SECISBP2L: variants seen among roughly 807,000 people sequenced by gnomAD.
The protein encoded by SECISBP2L is selenocysteine insertion sequence-binding protein 2-like.
SECISBP2L carries 43 observed loss-of-function variants against 114.7 expected under a neutral mutation model. The observed-to-expected ratio is 0.38, with a 90% CI of 0.29 to 0.48. The LOEUF (loss-of-function observed/expected upper bound fraction) is 0.48. SECISBP2L is among the 20% of genes least tolerant of loss of function. SECISBP2L has a pLI of 0.98. For missense variants in SECISBP2L, 1,136 were observed against 1,301.1 expected (o/e 0.87, Z 1.95); for synonymous variants, 451 against 439.7 (o/e 1.03, Z -0.32).
chr15:49,038,179 A>G (rs187888076), intron 1 of SECISBP2L, among the ~76,000 whole-genome samples: 2 of 152,314 alleles, frequency 1.3e-5, no homozygotes, highest in East Asian at 3.9e-4. Context: ...TATTTGTTTG[A>G]ATAGTCTTAA....
intron 14 of SECISBP2L, among the ~76,000 whole-genome samples, chr15:49,006,836 G>C (rs1195551726): frequency 6.6e-6 from 1 of 152,080 alleles, no homozygotes; most frequent in East Asian, 1.9e-4. Context: ...TTGTTCCCTT[G>C]CTGGCGAGGA....
At chr15:49,021,735 A>C (rs1332055550) in intron 7 of SECISBP2L, among the ~76,000 whole-genome samples, 2 of 152,200 alleles carry the variant, frequency 1.3e-5, no homozygotes, top group Admixed American at 1.3e-4. Context: ...TGATTCTTAC[A>C]CTTCGAGACA....
Position 49,046,404 on chromosome 15 carries a change from G to A in SECISBP2L, c.-105C>T, listed in dbSNP as rs1333495594. The A allele has an allele frequency of 2.5e-5, 31 of 1,241,208 alleles. No homozygotes were observed. The highest frequency in any genetic ancestry group is 1.8e-5 in the South Asian group (1 of 54,514). 76.9% of individuals were successfully genotyped at this position (1,241,208 alleles called of 1,614,324 possible). A position where few individuals can be genotyped will look rare whatever the true frequency, so the allele number is the denominator to read the frequency against. On this transcript the variant is annotated 5_prime_UTR_variant, in exon 1 of 18. Coordinates refer to ENST00000559471, the MANE Select transcript of SECISBP2L (RefSeq NM_001193489.2). ...GGTCCAGACTGGGTTCCGGACCTCC[G>A]CCCCTATCTGGCTGGCCGCGACACC...
chr15:49,008,101 C>T (rs1308784375), intron 14 of SECISBP2L, among the ~76,000 whole-genome samples: 1 of 152,152 alleles, frequency 6.6e-6, no homozygotes, highest in African/African-American at 2.4e-5. Flanking sequence ...TTCTAGTAAT[C>T]ACCCCTCATG....
At chr15:49,032,892 G>C in intron 4 of SECISBP2L, 73 bp downstream of exon 4, 1 of 1,557,554 alleles carries the variant, frequency 6.4e-7, no homozygotes, top group Non-Finnish European at 8.7e-7. Context: ...AAGTGGTTCA[G>C]ACCACAATTA....
In SECISBP2L at chr15:48,992,505, A is replaced by C. The variant is rs1251404494; in HGVS notation, c.3045T>G (p.Ser1015Arg). Residue 1015 changes from serine to arginine, a missense_variant, in exon 18 of 18, where the codon AGT (serine) becomes AGG (arginine). Physicochemically the swap from Ser to Arg is moderately radical, Grantham distance 110 (BLOSUM62 -1). Around this residue, in one of 2 missense-constraint regions of SECISBP2L, gnomAD observed 684 missense variants for 848.7 expected, o/e 0.81. Coordinates refer to ENST00000559471, the MANE Select transcript of SECISBP2L (RefSeq NM_001193489.2). ...EPISVEVQLNSRIESWVSETQ... is the reference protein window; with the variant it reads ...EPISVEVQLNRRIESWVSETQ... Reference sequence around the variant, plus strand: ...TCTCTGAGACCCAAGACTCAATTCTACTATTGAGCTGCACTTCTACAGATA... The same window carrying C: ...TCTCTGAGACCCAAGACTCAATTCTCCTATTGAGCTGCACTTCTACAGATA... 8 of 1,614,022 alleles carry C rather than the reference A, an allele frequency of 5.0e-6. No individual in the cohort carries two copies. The highest frequency in any genetic ancestry group is 2.7e-5 in the African/African-American group (2 of 74,908).
chr15:49,017,698 G>T (rs1347887344), intron 8 of SECISBP2L, 70 bp from the exon 9 acceptor site: 10 of 1,051,664 alleles, frequency 9.5e-6, no homozygotes, highest in African/African-American at 1.6e-5. Flanking sequence ...ATGCTTAGAA[G>T]TATTGAAAAA....
chr15:49,018,032 A>C (rs1440678692), intron 8 of SECISBP2L, among the ~76,000 whole-genome samples: 2 of 152,204 alleles, frequency 1.3e-5, no homozygotes. Flanking sequence ...ATTGTCAATA[A>C]GGTTAAAAAC....
intron 1 of SECISBP2L, chr15:49,042,286 GAGTA>G (rs1903155281): frequency 6.6e-6 from 1 of 152,264 alleles, no homozygotes; most frequent in Admixed American, 6.5e-5. Flanking sequence ...ATTTGCCTCA[GAGTA>G]TAGCTTCAGC....
Position 48,990,770 on chromosome 15 carries a change from T to C in SECISBP2L, c.*1474A>G, listed in dbSNP as rs1449634885. ...ATAATCAGGGCAGGGATAATACCCC[T>C]TCCTTCTCAGTTTTGTGCCTGCTTA... On this transcript the variant is annotated 3_prime_UTR_variant, in exon 18 of 18. Transcript: ENST00000559471. 6.6e-6 allele frequency: 1 copy of C among 151,152 alleles called. No individual in the cohort carries two copies. Among genetic ancestry groups the C allele is most frequent in the Non-Finnish European group, 1.5e-5 (1 of 67,816 alleles). The allele number at this position is 151,152 out of a possible 1,614,324, so 9.4% of individuals were successfully genotyped here.
At position 48,991,338 on chromosome 15, in the gene SECISBP2L, A is replaced by C. The variant is rs1901974291; in HGVS notation, c.*906T>G. On this transcript the variant is annotated 3_prime_UTR_variant, in exon 18 of 18. Coordinates refer to ENST00000559471, the MANE Select transcript of SECISBP2L (RefSeq NM_001193489.2). ...AGTTTGGATACTCAATCAAATCCAT[A>C]TCTCAAATCAAGAGTCCTGAACCAG... 2 of 152,566 alleles carry C rather than the reference A, an allele frequency of 1.3e-5. No individual in the cohort carries two copies. The highest frequency in any genetic ancestry group is 4.8e-5 in the African/African-American group (2 of 41,446). The allele number at this position is 152,566 out of a possible 1,614,324, so 9.5% of individuals were successfully genotyped here.
chr15:49,012,919 A>G, intron 11 of SECISBP2L, 102 bp from the exon 12 acceptor site: 1 of 1,145,490 alleles, frequency 8.7e-7, no homozygotes, highest in East Asian at 2.4e-5. Context: ...CTCCCATGGA[A>G]AAAACGACAT....
Position 49,043,482 on chromosome 15 carries a change from T to C in SECISBP2L, c.24+2794A>G, listed in dbSNP as rs147632082. 3.1e-4 allele frequency among the ~76,000 whole-genome samples: 47 copies of C among 152,244 alleles called. 1 individual carries two copies. In the East Asian group the frequency reaches 8.9e-3, roughly 29 times the overall value. On this transcript the variant is annotated intron_variant, in intron 1 of 17. Coordinates refer to ENST00000559471, the MANE Select transcript of SECISBP2L (RefSeq NM_001193489.2). ...CAGAAAAGAGACTGTTAACCTCAAGTGTTCTGTCACTTCTAAGCCCATTGT... is the reference window on the plus strand; with the variant it reads ...CAGAAAAGAGACTGTTAACCTCAAGCGTTCTGTCACTTCTAAGCCCATTGT...
At chr15:49,022,294 T>C (rs983133048) in intron 7 of SECISBP2L, among the ~76,000 whole-genome samples, 7 of 152,022 alleles carry the variant, frequency 4.6e-5, no homozygotes, top group Admixed American at 2.0e-4. Context: ...ACACCACTTC[T>C]AAAGAACACA....
At chr15:49,020,395 G>C (rs547539317) in intron 7 of SECISBP2L, among the ~76,000 whole-genome samples, 4 of 151,582 alleles carry the variant, frequency 2.6e-5, no homozygotes, top group African/African-American at 9.7e-5. Context: ...TATTTTTGTA[G>C]AGACAGGGGT....
intron 3 of SECISBP2L, 54 bp from the exon 4 acceptor site, chr15:49,033,154 GAACATTATAAAAAACACATCTAAAATA>G: frequency 1.3e-6 from 2 of 1,544,690 alleles, no homozygotes; most frequent in Non-Finnish European, 1.8e-6. Context: ...TCAATGTACT[GAACATTATAAAAAACACATCTAAAATA>G]AACATTATAA....
At chr15:49,020,667 C>G (rs915075602) in intron 7 of SECISBP2L, among the ~76,000 whole-genome samples, 22 of 152,144 alleles carry the variant, frequency 1.4e-4, no homozygotes, top group African/African-American at 5.3e-4. Context: ...ACCACCACAC[C>G]CAGCTAATTT....
In SECISBP2L at chr15:49,000,904, G is replaced by C; in HGVS notation, c.2221C>G (p.Pro741Ala). ...TTTGACTGGATTTTTTCACAGTTTGGAGAAATTATAACACACTTGATCTTG... is the reference window on the plus strand; with the variant it reads ...TTTGACTGGATTTTTTCACAGTTTGCAGAAATTATAACACACTTGATCTTG... ...LNKIKCVIIS[P>A]NCEKIQSKGG... The change falls in exon 15 of 18, where the codon CCA (proline) becomes GCA (alanine). Residue 741 changes from proline to alanine, a missense_variant. Physicochemically the swap from Pro to Ala is conservative, Grantham distance 27 (BLOSUM62 -1). Around this residue, in one of 2 missense-constraint regions of SECISBP2L, gnomAD observed 684 missense variants for 848.7 expected, o/e 0.81. Coordinates refer to ENST00000559471, the MANE Select transcript of SECISBP2L (RefSeq NM_001193489.2). 1 of 1,612,882 alleles carries C rather than the reference G, an allele frequency of 6.2e-7. No individual in the cohort carries two copies. Among genetic ancestry groups the C allele is most frequent in the Non-Finnish European group, 8.5e-7 (1 of 1,179,614 alleles).
chr15:48,992,593 C>A lies in SECISBP2L; in HGVS notation c.2957G>T (p.Gly986Val). ...TTCATCTTCTTCTTCTTCAAGCATG[C>A]CAGGTACAAGAGTGCTGGTGGTGCT... ...ITSTTSTLVP[G>V]MLEEEEDEDE... is the part of the protein sequence containing the mutation. Residue 986 changes from glycine to valine, a missense_variant, in exon 18 of 18, where the codon GGC becomes GTC. This residue lies in a region of SECISBP2L where 684 missense variants were observed against 848.7 expected (regional missense o/e 0.81). Transcript: ENST00000559471. 1 of 1,614,132 alleles carries A rather than the reference C, an allele frequency of 6.2e-7. No homozygotes were observed. The highest frequency in any genetic ancestry group is 8.5e-7 in the Non-Finnish European group (1 of 1,180,032).
Sources: allele counts gnomAD v4.1 joint callset (sites outside exome capture counted in the v4.1 genomes callset), GRCh38; gene constraint gnomAD v4.1.1; regional missense constraint gnomAD v4.1.1; transcripts MANE v1.5; gene names NCBI Gene and HGNC (gene_info 2026-07-23, HGNC 2026-07-21).